DMD: variants seen among roughly 807,000 people sequenced by gnomAD.
The protein encoded by DMD is dystrophin, also known as mutant dystrophin.
Under a neutral mutation model 330.1 loss-of-function variants are expected in DMD, and 63 were observed. The observed-to-expected ratio is 0.19, with a 90% CI of 0.16 to 0.24. The LOEUF (loss-of-function observed/expected upper bound fraction) is 0.24. Among genes scored for constraint, DMD ranks in the 10% least tolerant of loss-of-function variants. The probability of loss-of-function intolerance (pLI) is 1.00; values close to 1 mark genes in which losing one functional copy is unlikely to be tolerated. For synonymous variants in DMD, 1,223 were observed against 959.8 expected, an observed-to-expected ratio of 1.27 and a Z score of -5.07; for missense variants, 3,344 against 2,684.1, an observed-to-expected ratio of 1.25 and a Z score of -5.43.
rs1455587269 is a variant in DMD, at chrX:32,785,538, AAT to A, written c.649+23953_649+23954del. Among the ~76,000 whole-genome samples the A allele has an allele frequency of 1.1e-4, 12 of 111,423 alleles. No homozygotes were observed. The South Asian group carries it at 2.2e-3, about 21-fold the overall frequency. Reference sequence around the variant, plus strand: ...TAAGGAGTATTATCATTTCTATTATAATGATTTTGCTTAAAATGTACATTTCT... The same window carrying A: ...TAAGGAGTATTATCATTTCTATTATAGATTTTGCTTAAAATGTACATTTCT... On this transcript the variant is annotated intron_variant, in intron 7 of 78. Transcript: ENST00000357033.
intron 1 of DMD, among the ~76,000 whole-genome samples, chrX:33,318,589 G>A (rs2053968512): frequency 9.3e-6 from 1 of 107,530 alleles, no homozygotes; most frequent in Non-Finnish European, 1.9e-5. Flanking sequence ...GTGCCACCAT[G>A]CCCAGCAAAA....
intron 65 of DMD, among the ~76,000 whole-genome samples, chrX:31,206,916 A>G (rs1037208152): frequency 9.2e-6 from 1 of 108,811 alleles, no homozygotes; most frequent in Non-Finnish European, 1.9e-5. Flanking sequence ...CCAAGTTTCA[A>G]TTCCTAAAAA....
intron 44 of DMD, among the ~76,000 whole-genome samples, chrX:32,216,519 A>C (rs1459096230): frequency 8.9e-6 from 1 of 112,134 alleles, no homozygotes; most frequent in African/African-American, 3.2e-5. Flanking sequence ...CTGTAATTTT[A>C]TCATGATGGA....
intron 63 of DMD, among the ~76,000 whole-genome samples, chrX:31,243,046 T>G (rs1348374926): frequency 1.8e-5 from 2 of 111,533 alleles, no homozygotes; most frequent in African/African-American, 6.5e-5. Context: ...ACAGGGATCA[T>G]GCCTTATACT....
chrX:31,268,715 T>C (rs1286589775), intron 62 of DMD, among the ~76,000 whole-genome samples: 1 of 112,338 alleles, frequency 8.9e-6, no homozygotes, highest in East Asian at 2.8e-4. Flanking sequence ...ATCACTTAAC[T>C]ACTGTTTATG....
intron 48 of DMD, among the ~76,000 whole-genome samples, chrX:31,854,760 G>C (rs2093587539): frequency 9.0e-6 from 1 of 111,516 alleles, no homozygotes; most frequent in African/African-American, 3.3e-5. Flanking sequence ...GTTTCGATTA[G>C]GATGTAATGT....
chrX:32,183,578 AT>A (rs1163009442), intron 44 of DMD, among the ~76,000 whole-genome samples: 14 of 82,005 alleles, frequency 1.7e-4, no homozygotes, highest in African/African-American at 4.8e-4. Flanking sequence ...ATAAATATAT[AT>A]ATATATATAT....
chrX:33,003,021 G>A (rs745965295), intron 2 of DMD, among the ~76,000 whole-genome samples: 1 of 109,478 alleles, frequency 9.1e-6, no homozygotes, highest in South Asian at 4.0e-4. Context: ...ACTTTTGGGG[G>A]AACAGGTGGT....
intron 52 of DMD, among the ~76,000 whole-genome samples, chrX:31,709,829 ATCTATC>A (rs1242100015): frequency 9.0e-6 from 1 of 111,284 alleles, no homozygotes; most frequent in African/African-American, 3.3e-5. Flanking sequence ...ACTTATCTGT[ATCTATC>A]TCTATCTCTA....
At chrX:33,144,417 G>A (rs1055582968) in intron 1 of DMD, among the ~76,000 whole-genome samples, 5 of 111,381 alleles carry the variant, frequency 4.5e-5, no homozygotes, top group African/African-American at 9.8e-5. Flanking sequence ...CAAATTAACT[G>A]GAGGAGTAGA....
intron 67 of DMD, among the ~76,000 whole-genome samples, chrX:31,202,788 T>C (rs1422527360): frequency 1.8e-5 from 2 of 111,932 alleles, no homozygotes; most frequent in African/African-American, 3.3e-5. Context: ...ATAAGAACAC[T>C]GTGAATAATG....
intron 4 of DMD, among the ~76,000 whole-genome samples, chrX:32,833,483 T>C (rs2079325131): frequency 9.1e-6 from 1 of 110,384 alleles, no homozygotes; most frequent in Admixed American, 9.8e-5. Context: ...AGAATATATA[T>C]TAGAGGGCAT....
chrX:31,510,473 T>G (rs747619952), intron 55 of DMD, among the ~76,000 whole-genome samples: 50 of 109,682 alleles, frequency 4.6e-4, no homozygotes, highest in Middle Eastern at 4.7e-3. Context: ...GTGGATTGAT[T>G]TGTTCTGAAT....
At chrX:32,833,528 C>A (rs1327165169) in intron 4 of DMD, among the ~76,000 whole-genome samples, 1 of 109,277 alleles carries the variant, frequency 9.2e-6, no homozygotes, top group African/African-American at 3.3e-5. Context: ...TCAATACTTT[C>A]ACAATTTAGT....
intron 44 of DMD, among the ~76,000 whole-genome samples, chrX:32,011,095 T>A (rs1488595511): frequency 1.8e-5 from 2 of 112,439 alleles, no homozygotes; most frequent in African/African-American, 3.2e-5. Flanking sequence ...CAAGTAGTCG[T>A]AATGCTGCTG....
At chrX:31,943,481 A>G (rs1033523527) in intron 45 of DMD, among the ~76,000 whole-genome samples, 11 of 112,032 alleles carry the variant, frequency 9.8e-5, no homozygotes, top group African/African-American at 3.6e-4. Context: ...ATTTCCAACT[A>G]TGAGAAACTA....
Position 32,543,891 on chromosome X carries a change from G to A in DMD, c.2168+1268C>T, listed in dbSNP as rs1193397521. On this transcript the variant is annotated intron_variant, in intron 17 of 78. Transcript: ENST00000357033. The stretch of plus-strand genomic sequence containing the variant: ...GTGTTACAACTATTCAAACTCTGCC[G>A]TTGTAATGCGAAAGTAATCATAAGT... 3.6e-5 allele frequency among the ~76,000 whole-genome samples: 4 copies of A among 112,093 alleles called. No individual in the cohort carries two copies. In the South Asian group the frequency reaches 1.1e-3, roughly 31 times the overall value.
intron 54 of DMD, among the ~76,000 whole-genome samples, chrX:31,649,625 C>T (rs749799402): frequency 1.7e-3 from 190 of 108,656 alleles, no homozygotes; most frequent in Non-Finnish European, 3.1e-3. Context: ...GTCGCCCAGG[C>T]TGTAGTGCAG....
intron 55 of DMD, among the ~76,000 whole-genome samples, chrX:31,528,394 C>T (rs964834387): frequency 1.8e-5 from 2 of 112,011 alleles, no homozygotes; most frequent in African/African-American, 6.5e-5. Flanking sequence ...GATACACTGA[C>T]ATTAAATTTC....
Sources: allele counts gnomAD v4.1 joint callset (sites outside exome capture counted in the v4.1 genomes callset), GRCh38; gene constraint gnomAD v4.1.1; transcripts MANE v1.5; gene names NCBI Gene and HGNC (gene_info 2026-07-23, HGNC 2026-07-21).